Variants in RXRB observed in about 807,000 individuals in gnomAD.
The protein encoded by RXRB is retinoic acid receptor RXR-beta.
RXRB carries 18 observed loss-of-function variants against 52.5 expected under a neutral mutation model. That is an observed-to-expected ratio of 0.34 (90% CI 0.24 to 0.51). The LOEUF is 0.51. Among genes scored for constraint, RXRB ranks in the 20% least tolerant of loss-of-function variants. The pLI is 0.97. For missense variants in RXRB, 455 were observed against 698.2 expected (o/e 0.65, Z 3.92); for synonymous variants, 233 against 267.1 (o/e 0.87, Z 1.25).
At chr6:33,198,164 T>A in intron 3 of RXRB, 144 bp downstream of exon 3, 3 of 1,268,894 alleles carry the variant, frequency 2.4e-6, no homozygotes, top group Non-Finnish European at 3.4e-6. Flanking sequence ...AATCGCGTCC[T>A]ACATCTCAGC....
Position 33,194,771 on chromosome 6 carries a change from C to G in RXRB, c.1513G>C (p.Glu505Gln). ...ATGAGCTTGAAGAAAAACAGATGCT[C>G]TAGACACTTAAGGCCAATGGACCGG... Reference protein sequence around the residue: ...ALRSIGLKCLEHLFFFKLIGD... With the variant: ...ALRSIGLKCLQHLFFFKLIGD... The change falls in exon 10 of 10, where the codon GAG (glutamate) becomes CAG (glutamine). Residue 505 changes from glutamate to glutamine, a missense_variant. Glu to Gln is a conservative substitution (Grantham distance 29). Around this residue, in one of 4 missense-constraint regions of RXRB, gnomAD observed 115 missense variants for 253.1 expected, o/e 0.45. Coordinates refer to ENST00000374680, the MANE Select transcript of RXRB (RefSeq NM_021976.5). The surrounding 1 kb of genome is among the most constrained non-coding windows in gnomAD (Gnocchi z 4.1). 5 of 1,613,100 alleles carry G rather than the reference C, an allele frequency of 3.1e-6. No individual in the cohort carries two copies. Among genetic ancestry groups the G allele is most frequent in the Non-Finnish European group, 4.2e-6 (5 of 1,180,026 alleles).
chr6:33,195,421 G>A lies in RXRB; in HGVS notation c.1290C>T (p.Asp430=). 6.2e-7 allele frequency: 1 copy of A among 1,612,838 alleles called. No homozygotes were observed. The highest frequency in any genetic ancestry group is 1.7e-5 in the Admixed American group (1 of 60,034). Residue 430 remains aspartate, a synonymous_variant, in exon 8 of 10, where the codon GAC becomes GAT. Transcript: ENST00000374680. This position sits in a 1 kb window ranked among gnomAD's most constrained non-coding sequence, Gnocchi z 8.6. ...CAAGCTCTGTCTTGTCCATCCTCATGTCACGCATTTTGGACACTAGCTCTG... is the reference window on the plus strand; with the variant it reads ...CAAGCTCTGTCTTGTCCATCCTCATATCACGCATTTTGGACACTAGCTCTG... ...VLTELVSKMR[D]MRMDKTELGC... is the part of the protein sequence containing the mutation.
rs755859022 is a variant in RXRB at position 33,195,426 on chromosome 6, G to C, written c.1285C>G (p.Arg429Gly). 7.4e-6 allele frequency: 12 copies of C among 1,612,514 alleles called. No homozygotes were observed. The highest frequency in any genetic ancestry group is 8.5e-6 in the Non-Finnish European group (10 of 1,179,640). ...TCTGTCTTGTCCATCCTCATGTCAC[G>C]CATTTTGGACACTAGCTCTGTCAGC... ...RVLTELVSKM[R>G]DMRMDKTELG... Residue 429 changes from arginine (R) to glycine (G), a missense_variant, in exon 8 of 10, where the codon CGT (arginine) becomes GGT (glycine). Physicochemically the swap from Arg to Gly is moderately radical, Grantham distance 125 (BLOSUM62 -2). Transcript: ENST00000374680. The surrounding 1 kb of genome is among the most constrained non-coding windows in gnomAD (Gnocchi z 8.6).
Position 33,200,444 on chromosome 6 carries a change from A to G in RXRB, c.33T>C (p.Pro11=). 6.3e-7 allele frequency: 1 copy of G among 1,592,768 alleles called. No individual in the cohort carries two copies. ...CACACTGCCCTGCGGCATGCCGCTG[A>G]GGGAGGAAGGGCGGGCGAGCGGCCC... The part of the protein sequence containing the change: MSWAARPPFL[P]QRHAAGQCGP... Residue 11 remains proline, a synonymous_variant, in exon 1 of 10, where the codon CCT becomes CCC. Transcript: ENST00000374680. This position sits in a 1 kb window ranked among gnomAD's most constrained non-coding sequence, Gnocchi z 6.3.
chr6:33,195,789 C>T lies in RXRB; in HGVS notation c.1124-87G>A, dbSNP rs532294106. Reference sequence around the variant, plus strand: ...TGGAAGAGAAGGAGAAAAGAGGTGGCGAGGTCAGCAAGTTTGGCTCCCTGG... The same window carrying T: ...TGGAAGAGAAGGAGAAAAGAGGTGGTGAGGTCAGCAAGTTTGGCTCCCTGG... On this transcript the variant is annotated intron_variant, in intron 6 of 9. Transcript: ENST00000374680. The surrounding 1 kb of genome is among the most constrained non-coding windows in gnomAD (Gnocchi z 8.6). 1.2e-5 allele frequency: 19 copies of T among 1,595,346 alleles called. No homozygotes were observed. Among genetic ancestry groups the T allele is most frequent in the Admixed American group, 8.5e-5 (5 of 59,106 alleles).
At chr6:33,200,673 G>C, upstream of RXRB, 1 of 1,541,064 alleles carries the variant, frequency 6.5e-7, no homozygotes, top group Admixed American at 2.0e-5. The surrounding 1 kb of genome is among the most constrained non-coding windows in gnomAD (Gnocchi z 6.3). Flanking sequence ...GGGAAGTCTC[G>C]GCGCGAGTTC....
chr6:33,194,542 G>T lies in RXRB; in HGVS notation c.*140C>A. The T allele has an allele frequency of 1.2e-6, 1 of 851,574 alleles. No homozygotes were observed. The highest frequency in any genetic ancestry group is 1.8e-6 in the Non-Finnish European group (1 of 569,122). 52.8% of individuals were successfully genotyped at this position (851,574 alleles called of 1,614,324 possible). A position where few individuals can be genotyped will look rare whatever the true frequency, so the allele number is the denominator to read the frequency against. On this transcript the variant is annotated 3_prime_UTR_variant, in exon 10 of 10. Coordinates refer to ENST00000374680, the MANE Select transcript of RXRB (RefSeq NM_021976.5). This position sits in a 1 kb window ranked among gnomAD's most constrained non-coding sequence, Gnocchi z 4.1. ...GGATATCAAGCAGATCCCTTGGAGG[G>T]TTTATGTTCTTGGTTCTGCCCTGTA...
Position 33,196,250 on chromosome 6 carries a change from G to T in RXRB, c.993+184C>A. ...TCTGCCAGTGGGTTGTTTGGGGAGTGGAGACAGAAGGAGCTATCACATCCA... is the reference window on the plus strand; with the variant it reads ...TCTGCCAGTGGGTTGTTTGGGGAGTTGAGACAGAAGGAGCTATCACATCCA... On this transcript the variant is annotated intron_variant, in intron 5 of 9. Transcript: ENST00000374680. This position sits in a 1 kb window ranked among gnomAD's most constrained non-coding sequence, Gnocchi z 4.0. 2 of 904,792 alleles carry T rather than the reference G, an allele frequency of 2.2e-6. No homozygotes were observed. The highest frequency in any genetic ancestry group is 1.4e-5 in the South Asian group (1 of 73,910). The allele number at this position is 904,792 out of a possible 1,614,324, so 56.0% of individuals were successfully genotyped here. A position where few individuals can be genotyped will look rare whatever the true frequency, so the allele number is the denominator to read the frequency against.
Position 33,200,186 on chromosome 6 carries a change from A to G in RXRB, c.235+56T>C. 1 of 1,582,232 alleles carries G rather than the reference A, an allele frequency of 6.3e-7. No homozygotes were observed. On this transcript the variant is annotated intron_variant, in intron 1 of 9. Coordinates refer to ENST00000374680, the MANE Select transcript of RXRB (RefSeq NM_021976.5). This position sits in a 1 kb window ranked among gnomAD's most constrained non-coding sequence, Gnocchi z 6.3. ...AGAGCACCGGGGGAGGGTGTGGGGG[A>G]GGGGTCGCAGATAAAGCGGTCACTG...
In RXRB at chr6:33,200,145, C is replaced by A; in HGVS notation, c.235+97G>T. On this transcript the variant is annotated intron_variant, in intron 1 of 9. Transcript: ENST00000374680. This position sits in a 1 kb window ranked among gnomAD's most constrained non-coding sequence, Gnocchi z 6.3. ...GGACGCGTGTTTACAAACAAGGGGG[C>A]GGGAGCGCAAGGAAAAGAGCACCGG... 2 of 1,487,900 alleles carry A rather than the reference C, an allele frequency of 1.3e-6. No individual in the cohort carries two copies. The highest frequency in any genetic ancestry group is 1.8e-6 in the Non-Finnish European group (2 of 1,083,040). 92.2% of individuals were successfully genotyped at this position (1,487,900 alleles called of 1,614,324 possible).
Position 33,196,078 on chromosome 6 carries a change from A to G in RXRB, c.994-42T>C, listed in dbSNP as rs776311695. The stretch of plus-strand genomic sequence containing the variant: ...TAAGAGTTATGGAAGATTTTGAGAT[A>G]TGCTGGGAGCCCCCTTGTAAGAGGC... On this transcript the variant is annotated intron_variant, in intron 5 of 9. Transcript: ENST00000374680. The surrounding 1 kb of genome is among the most constrained non-coding windows in gnomAD (Gnocchi z 4.0). 1 of 1,611,218 alleles carries G rather than the reference A, an allele frequency of 6.2e-7. No individual in the cohort carries two copies. Among genetic ancestry groups the G allele is most frequent in the Non-Finnish European group, 8.5e-7 (1 of 1,178,552 alleles).
At chr6:33,199,639 C>A (rs1583422147) in intron 1 of RXRB, 1 of 504,520 alleles carries the variant, frequency 2.0e-6, no homozygotes, top group Non-Finnish European at 3.6e-6. Context: ...AACTTATTAA[C>A]ATTTGTGTCA....
At chr6:33,200,810 C>T, upstream of RXRB, 2 of 1,522,802 alleles carry the variant, frequency 1.3e-6, no homozygotes, top group Non-Finnish European at 1.8e-6. This position sits in a 1 kb window ranked among gnomAD's most constrained non-coding sequence, Gnocchi z 6.3. Context: ...GGATTCGTCG[C>T]TACCGGAGTG....
Position 33,196,744 on chromosome 6 carries a change from G to A in RXRB, c.821-138C>T. 1.3e-6 allele frequency: 1 copy of A among 752,980 alleles called. No individual in the cohort carries two copies. The highest frequency in any genetic ancestry group is 2.1e-6 in the Non-Finnish European group (1 of 476,316). 46.6% of individuals were successfully genotyped at this position (752,980 alleles called of 1,614,324 possible). A position where few individuals can be genotyped will look rare whatever the true frequency, so the allele number is the denominator to read the frequency against. On this transcript the variant is annotated intron_variant, in intron 4 of 9. Coordinates refer to ENST00000374680, the MANE Select transcript of RXRB (RefSeq NM_021976.5). This position sits in a 1 kb window ranked among gnomAD's most constrained non-coding sequence, Gnocchi z 4.0. The stretch of plus-strand genomic sequence containing the variant: ...TAGGAATTGGGGAAGTCACTAGAAA[G>A]GGTGGACTGGGGGCAGCCCTGAAGG...
At position 33,197,840 on chromosome 6, in the gene RXRB, T is replaced by G; in HGVS notation, c.742A>C (p.Thr248Pro). The G allele has an allele frequency of 6.2e-7, 1 of 1,613,928 alleles. No individual in the cohort carries two copies. The highest frequency in any genetic ancestry group is 8.5e-7 in the Non-Finnish European group (1 of 1,180,030). The change falls in exon 4 of 10, where the codon ACA becomes CCA. Residue 248 changes from threonine (T) to proline (P), a missense_variant. By Grantham distance (38) the Thr-to-Pro change is conservative (BLOSUM62 -1). Coordinates refer to ENST00000374680, the MANE Select transcript of RXRB (RefSeq NM_021976.5). This position sits in a 1 kb window ranked among gnomAD's most constrained non-coding sequence, Gnocchi z 4.4. ...CGGTTCCGCTGGCGCTTGTCCACTG[T>G]GCAGTCTTTGTTGTCCCGGCAAGAG... ...TYSCRDNKDC[T>P]VDKRQRNRCQ...
At chr6:33,200,757 C>A (rs1052936247), upstream of RXRB, 1 of 1,541,778 alleles carries the variant, frequency 6.5e-7, no homozygotes, top group Non-Finnish European at 8.8e-7. This position sits in a 1 kb window ranked among gnomAD's most constrained non-coding sequence, Gnocchi z 6.3. Flanking sequence ...CCACCCTCCC[C>A]TCAAATCACC....
At position 33,200,224 on chromosome 6, in the gene RXRB, T is replaced by C. The variant is rs747531965; in HGVS notation, c.235+18A>G. 11 of 1,603,406 alleles carry C rather than the reference T, an allele frequency of 6.9e-6. No homozygotes were observed. The highest frequency in any genetic ancestry group is 9.4e-6 in the Non-Finnish European group (11 of 1,176,280). On this transcript the variant is annotated intron_variant, in intron 1 of 9. Coordinates refer to ENST00000374680, the MANE Select transcript of RXRB (RefSeq NM_021976.5). This position sits in a 1 kb window ranked among gnomAD's most constrained non-coding sequence, Gnocchi z 6.3. ...AAAGCGGTCACTGGCTCGCCTGCCC[T>C]TCTGCTGGGGCACTCACCCCGCCCG...
In RXRB at chr6:33,200,466, G is replaced by A. The variant is rs1286684481; in HGVS notation, c.11C>T (p.Ala4Val). 3 of 1,592,088 alleles carry A rather than the reference G, an allele frequency of 1.9e-6. No individual in the cohort carries two copies. Among genetic ancestry groups the A allele is most frequent in the Non-Finnish European group, 2.6e-6 (3 of 1,171,746 alleles). MSW[A>V]ARPPFLPQRH... ...CTGAGGGAGGAAGGGCGGGCGAGCG[G>A]CCCAAGACATGATCCCTGGCTGAGA... is the stretch of plus-strand genomic sequence containing the variant. The change falls in exon 1 of 10, where the codon GCC (alanine) becomes GTC (valine). Residue 4 changes from alanine (A) to valine (V), a missense_variant. By Grantham distance (64) the Ala-to-Val change is moderately conservative (BLOSUM62 0). Transcript: ENST00000374680. The surrounding 1 kb of genome is among the most constrained non-coding windows in gnomAD (Gnocchi z 6.3).
rs746090265 is a variant in RXRB, at chr6:33,195,314, G to A, written c.1348+49C>T. On this transcript the variant is annotated intron_variant, in intron 8 of 9. Coordinates refer to ENST00000374680, the MANE Select transcript of RXRB (RefSeq NM_021976.5). The surrounding 1 kb of genome is among the most constrained non-coding windows in gnomAD (Gnocchi z 8.6). ...ACTTAGGAGTCTCGGAGAAGAGGAG[G>A]CTCCAAGGTTGCCTTGGCCTTGAGA... The A allele has an allele frequency of 1.7e-6, 2 of 1,158,848 alleles. No individual in the cohort carries two copies. The highest frequency in any genetic ancestry group is 2.4e-5 in the South Asian group (2 of 82,070). 71.8% of individuals were successfully genotyped at this position (1,158,848 alleles called of 1,614,324 possible). A position where few individuals can be genotyped will look rare whatever the true frequency, so the allele number is the denominator to read the frequency against.
Sources: allele counts gnomAD v4.1 joint callset, GRCh38; gene constraint gnomAD v4.1.1; regional missense constraint gnomAD v4.1.1; non-coding constraint Gnocchi (gnomAD v3.1); transcripts MANE v1.5; gene names NCBI Gene and HGNC (gene_info 2026-07-23, HGNC 2026-07-21).